Variants in CORO7 observed in about 807,000 individuals in gnomAD.
CORO7 encodes coronin 7.
CORO7 carries 107 observed loss-of-function variants against 126.6 expected under a neutral mutation model. The ratio of observed to expected loss-of-function variants is 0.85; its 90% CI spans 0.72 to 0.99. CORO7 has a LOEUF of 0.99. Among genes scored for constraint, CORO7 ranks in the 50% least tolerant of loss-of-function variants. The pLI is 0.00. For missense variants in CORO7, 1,314 were observed against 1,255.8 expected, an observed-to-expected ratio of 1.05 and a Z score of -0.70; for synonymous variants, 603 against 536.8, an observed-to-expected ratio of 1.12 and a Z score of -1.70.
intron 9 of CORO7, chr16:4,380,993 C>A (rs770996452): frequency 6.2e-7 from 1 of 1,607,930 alleles, no homozygotes; most frequent in Admixed American, 1.7e-5. Context: ...GTCTTCTGCA[C>A]TGCCCGCCAG....
intron 9 of CORO7, among the ~76,000 whole-genome samples, chr16:4,377,103 C>T (rs917577820): frequency 1.3e-5 from 2 of 152,158 alleles, no homozygotes; most frequent in South Asian, 2.1e-4. Context: ...TGGACCCTGT[C>T]GCCCTATGCC....
chr16:4,362,662 G>C lies in CORO7; in HGVS notation c.1352C>G (p.Thr451Ser), dbSNP rs777862914. ...PSSLGPSLSS[T>S]SGIGTSPSLR... is the part of the protein sequence containing the mutation. ...ACTGGGGCTGGTCCCGATGCCACTG[G>C]TGCTGGAGAGTGAGGGCCCCAGGCT... The change falls in exon 15 of 28, where the codon ACC becomes AGC. Residue 451 changes from threonine to serine, a missense_variant. Physicochemically the swap from Thr to Ser is moderately conservative, Grantham distance 58. Coordinates refer to ENST00000251166, the MANE Select transcript of CORO7 (RefSeq NM_024535.5). This position sits in a 1 kb window ranked among gnomAD's most constrained non-coding sequence, Gnocchi z 5.3. The C allele has an allele frequency of 6.5e-7, 1 of 1,530,250 alleles. No homozygotes were observed. Among genetic ancestry groups the C allele is most frequent in the Non-Finnish European group, 8.8e-7 (1 of 1,141,904 alleles). The allele number at this position is 1,530,250 out of a possible 1,614,324, so 94.8% of individuals were successfully genotyped here. A position where few individuals can be genotyped will look rare whatever the true frequency, so the allele number is the denominator to read the frequency against.
At chr16:4,409,058 G>T (rs537953371) in intron 3 of CORO7, among the ~76,000 whole-genome samples, 1 of 152,180 alleles carries the variant, frequency 6.6e-6, no homozygotes, top group Non-Finnish European at 1.5e-5. Context: ...AGGGAAATGC[G>T]GTGGGTGGTT....
rs777302476 is a variant in CORO7 at position 4,355,167 on chromosome 16, G to A, written c.2773-4C>T. 3.0e-5 allele frequency: 46 copies of A among 1,537,054 alleles called. No individual in the cohort carries two copies. Among genetic ancestry groups the A allele is most frequent in the Non-Finnish European group, 3.6e-5 (41 of 1,137,982 alleles). On this transcript the variant is annotated splice_region_variant and splice_polypyrimidine_tract_variant and intron_variant, in intron 27 of 27. Coordinates refer to ENST00000251166, the MANE Select transcript of CORO7 (RefSeq NM_024535.5). The stretch of plus-strand genomic sequence containing the variant: ...GTGACGGGGGCGCAGGCTAGTCCTG[G>A]GGCGAAACACCAAGAGGTGGGAGGG...
intron 9 of CORO7, among the ~76,000 whole-genome samples, chr16:4,370,948 A>G (rs1017925541): frequency 6.6e-6 from 1 of 152,188 alleles, no homozygotes; most frequent in Admixed American, 6.5e-5. Flanking sequence ...GGCATGACTG[A>G]CCACAAACGC....
At chr16:4,384,753 C>A (rs1001468325) in intron 9 of CORO7, among the ~76,000 whole-genome samples, 1 of 152,092 alleles carries the variant, frequency 6.6e-6, no homozygotes. Flanking sequence ...CTGGGTGGGG[C>A]CCCTTCTTCC....
At position 4,360,727 on chromosome 16, in the gene CORO7, C is replaced by T. The variant is rs550800837; in HGVS notation, c.1918-179G>A. 8.5e-5 allele frequency among the ~76,000 whole-genome samples: 12 copies of T among 141,036 alleles called. No homozygotes were observed. In the East Asian group the frequency reaches 2.2e-3, roughly 25 times the overall value. The allele number at this position is 141,036 out of a possible 152,430, so 92.5% of individuals were successfully genotyped here. ...CCCCCCTCTCCTCACTGCTGGCCCC[C>T]CTTCTCCTCAATGCTAGCCCGGCCC... On this transcript the variant is annotated intron_variant, in intron 19 of 27. Coordinates refer to ENST00000251166, the MANE Select transcript of CORO7 (RefSeq NM_024535.5).
chr16:4,359,290 C>T lies in CORO7; in HGVS notation c.2340+6G>A, dbSNP rs1485687298. ...CATCGGGGACGAGGCGCCAGGGTGG[C>T]CTCACCTTGTGGGGGTCAGGCGACG... On this transcript the variant is annotated splice_donor_region_variant and intron_variant, in intron 23 of 27. Transcript: ENST00000251166. The T allele has an allele frequency of 1.3e-6, 2 of 1,598,402 alleles. No homozygotes were observed. Among genetic ancestry groups the T allele is most frequent in the Non-Finnish European group, 1.7e-6 (2 of 1,173,532 alleles).
chr16:4,359,242 G>A (rs1013728383), intron 23 of CORO7, 54 bp downstream of exon 23: 4 of 1,518,866 alleles, frequency 2.6e-6, no homozygotes, highest in Non-Finnish European at 2.7e-6. Context: ...TGGCCACCAG[G>A]GGGCAGGGCA....
chr16:4,412,939 C>G, intron 2 of CORO7: 2 of 246,250 alleles, frequency 8.1e-6, no homozygotes, highest in Admixed American at 5.0e-5. Context: ...AAGAGAGTGC[C>G]AACCAACACA....
At chr16:4,365,106 G>C in intron 10 of CORO7, 46 bp from the exon 11 acceptor site, 1 of 1,562,108 alleles carries the variant, frequency 6.4e-7, no homozygotes, top group Non-Finnish European at 8.7e-7. Context: ...TGAACCCCTG[G>C]GGAGGGCCCA....
intron 9 of CORO7, among the ~76,000 whole-genome samples, chr16:4,370,506 C>T (rs144003990): frequency 2.2e-4 from 34 of 152,344 alleles, no homozygotes; most frequent in African/African-American, 7.7e-4. Flanking sequence ...TAAAAACTCC[C>T]ATAAAGCCTG....
Position 4,365,484 on chromosome 16 carries a change from C to A in CORO7, c.840+7G>T. 6.4e-7 allele frequency: 1 copy of A among 1,561,378 alleles called. No individual in the cohort carries two copies. The highest frequency in any genetic ancestry group is 1.2e-5 in the South Asian group (1 of 84,674). On this transcript the variant is annotated splice_region_variant and intron_variant, in intron 10 of 27. Transcript: ENST00000251166. ...GATGTGGGTGGGAGCCCCAGCTTCT[C>A]ACTCACCTTTCCTGCCAGGACCAGG...
At chr16:4,403,752 C>T (rs1312351444) in intron 6 of CORO7, among the ~76,000 whole-genome samples, 1 of 152,192 alleles carries the variant, frequency 6.6e-6, no homozygotes, top group Non-Finnish European at 1.5e-5. Context: ...AGGGCCTGGA[C>T]CACCACACCT....
intron 6 of CORO7, chr16:4,397,449 G>A (rs893758301): frequency 6.0e-5 from 9 of 151,248 alleles, no homozygotes; most frequent in East Asian, 3.9e-4. Context: ...CTGAGACTCC[G>A]TCTAAAAAAA....
intron 9 of CORO7, among the ~76,000 whole-genome samples, chr16:4,387,224 C>T (rs1326678325): frequency 6.6e-6 from 1 of 152,140 alleles, no homozygotes; most frequent in Non-Finnish European, 1.5e-5. Context: ...GTGGTCTGAA[C>T]AGATGAGTCA....
In CORO7 at chr16:4,383,468, TG is replaced by T. The variant is rs200210521; in HGVS notation, c.785+4517del. 1,623 of 167,252 alleles carry T rather than the reference TG, an allele frequency of 9.7e-3. 13 individuals are homozygous for T. Among genetic ancestry groups the T allele is most frequent in the Middle Eastern group, 0.037 (11 of 296 alleles). The allele number at this position is 167,252 out of a possible 1,614,324, so 10.4% of individuals were successfully genotyped here. The stretch of plus-strand genomic sequence containing the variant: ...ACTCAGAGACAAGGACTTTGGTTTT[TG>T]TAAGACAAACGATGATATGAAGGCC... On this transcript the variant is annotated intron_variant, in intron 9 of 27. Coordinates refer to ENST00000251166, the MANE Select transcript of CORO7 (RefSeq NM_024535.5).
chr16:4,411,080 G>A (rs183377655), intron 3 of CORO7, among the ~76,000 whole-genome samples: 31 of 152,224 alleles, frequency 2.0e-4, no homozygotes, highest in Non-Finnish European at 3.8e-4. Context: ...CACATGACTC[G>A]GTCACTTTAA....
intron 6 of CORO7, among the ~76,000 whole-genome samples, chr16:4,400,494 G>A (rs1291024058): frequency 6.6e-6 from 1 of 152,212 alleles, no homozygotes; most frequent in Non-Finnish European, 1.5e-5. Flanking sequence ...TTAGCTGGGT[G>A]TGGTGGCACA....
Sources: gnomAD v4.1 joint callset for allele counts (sites outside exome capture counted in the v4.1 genomes callset) on GRCh38, gnomAD v4.1.1 for gene constraint, Gnocchi (gnomAD v3.1) non-coding constraint, MANE v1.5 for transcripts, NCBI Gene and HGNC (gene_info 2026-07-23, HGNC 2026-07-21) for gene names.